The following RNFT2 variants were observed in gnomAD, a reference collection of about 807,000 sequenced individuals.
RNFT2 encodes the protein ring finger protein, transmembrane 2.
In RNFT2, 36 loss-of-function variants were observed where a neutral mutation model predicts 53.0. The ratio of observed to expected loss-of-function variants is 0.68; its 90% CI spans 0.52 to 0.90. The LOEUF is 0.90. Ranked by LOEUF, RNFT2 falls within the 40% of genes least tolerant of loss-of-function variation. RNFT2 has a pLI of 0.00. For missense variants in RNFT2, 514 were observed against 585.6 expected (o/e 0.88, Z 1.26); for synonymous variants, 260 against 253.2 (o/e 1.03, Z -0.26).
chr12:116,739,255 T>G lies in RNFT2; in HGVS notation c.-154+885T>G, dbSNP rs146807397. 1.8e-3 allele frequency among the ~76,000 whole-genome samples: 267 copies of G among 152,318 alleles called. 2 individuals carry two copies. Among genetic ancestry groups the G allele is most frequent in the African/African-American group, 5.8e-3 (242 of 41,580 alleles). ...TTCATGGGAAGTAGATGGCCCTTATTACCTTGCTAGGGTGAAAGGTGGGAC... is the reference window on the plus strand; with the variant it reads ...TTCATGGGAAGTAGATGGCCCTTATGACCTTGCTAGGGTGAAAGGTGGGAC... On this transcript the variant is annotated intron_variant, in intron 1 of 10. Transcript: ENST00000257575.
chr12:116,846,057 C>G (rs1877597377), intron 10 of RNFT2, among the ~76,000 whole-genome samples: 1 of 152,150 alleles, frequency 6.6e-6, no homozygotes, highest in South Asian at 2.1e-4. Flanking sequence ...CTCCATAATA[C>G]CATGGAAATC....
intron 7 of RNFT2, among the ~76,000 whole-genome samples, chr12:116,821,087 C>T (rs1279080762): frequency 1.3e-5 from 2 of 152,198 alleles, no homozygotes; most frequent in South Asian, 2.1e-4. Context: ...GCGCTTAATA[C>T]GGGGGTTACT....
chr12:116,752,188 G>GA (rs1175127109), intron 4 of RNFT2, among the ~76,000 whole-genome samples: 1 of 24,998 alleles, frequency 4.0e-5, no homozygotes, highest in Non-Finnish European at 1.3e-4. Context: ...TATCTCTACT[G>GA]AAAAAAAAAG....
At chr12:116,740,165 G>A (rs1281030733) in intron 1 of RNFT2, among the ~76,000 whole-genome samples, 180 bp from the exon 2 acceptor site, 1 of 151,414 alleles carries the variant, frequency 6.6e-6, no homozygotes, top group East Asian at 1.9e-4. Flanking sequence ...AGTGAGCCAA[G>A]ATCGCACCAC....
chr12:116,766,952 G>C lies in RNFT2; in HGVS notation c.728+38G>C. The C allele has an allele frequency of 2.0e-6, 3 of 1,477,696 alleles. No homozygotes were observed. In the South Asian group the frequency reaches 3.6e-5, roughly 18 times the overall value. The allele number at this position is 1,477,696 out of a possible 1,614,324, so 91.5% of individuals were successfully genotyped here. On this transcript the variant is annotated intron_variant, in intron 6 of 10. Coordinates refer to ENST00000257575, the MANE Select transcript of RNFT2 (RefSeq NM_001382266.1). ...ATCCAACCCCCACGGTGGGAGAGTG[G>C]GGCACTTGGCTGGGCTTGGGGCACG...
At chr12:116,810,818 A>G (rs573229616) in intron 7 of RNFT2, among the ~76,000 whole-genome samples, 1 of 152,184 alleles carries the variant, frequency 6.6e-6, no homozygotes, top group Non-Finnish European at 1.5e-5. Context: ...TTTTGCTTCC[A>G]TTGGGGTAGG....
intron 5 of RNFT2, among the ~76,000 whole-genome samples, chr12:116,760,259 C>T (rs1433267067): frequency 6.6e-6 from 1 of 152,158 alleles, no homozygotes. Context: ...TGAAAACCTG[C>T]CCCAGACTAT....
At chr12:116,819,800 T>C (rs1875912742) in intron 7 of RNFT2, among the ~76,000 whole-genome samples, 1 of 152,188 alleles carries the variant, frequency 6.6e-6, no homozygotes, top group Non-Finnish European at 1.5e-5. Context: ...TAAAGCTCAG[T>C]GGATTTTTAC....
chr12:116,851,992 C>T lies in RNFT2; in HGVS notation c.*2544C>T, dbSNP rs750430048. On this transcript the variant is annotated 3_prime_UTR_variant, in exon 11 of 11. Transcript: ENST00000257575. ...CTATGTTATGGATGTTTCCACCAAC[C>T]AGGGTAGTGGCATGGAGCACCGTAA... The T allele has an allele frequency of 1.6e-5, 23 of 1,470,310 alleles. No homozygotes were observed. The highest frequency in any genetic ancestry group is 1.3e-5 in the Non-Finnish European group (14 of 1,111,782). The allele number at this position is 1,470,310 out of a possible 1,614,324, so 91.1% of individuals were successfully genotyped here.
At chr12:116,742,074 G>T (rs1226940695) in intron 3 of RNFT2, among the ~76,000 whole-genome samples, 3 of 152,068 alleles carry the variant, frequency 2.0e-5, no homozygotes, top group African/African-American at 4.8e-5. Context: ...AAGATGAAGG[G>T]GCATACTACT....
intron 7 of RNFT2, among the ~76,000 whole-genome samples, chr12:116,797,251 A>G (rs1204264139): frequency 3.9e-5 from 6 of 152,120 alleles, no homozygotes; most frequent in Non-Finnish European, 7.4e-5. Flanking sequence ...GAATTTGGCT[A>G]TATTTGGAAA....
At chr12:116,794,789 G>A (rs1009143261) in intron 7 of RNFT2, among the ~76,000 whole-genome samples, 19 of 151,996 alleles carry the variant, frequency 1.3e-4, no homozygotes, top group South Asian at 1.0e-3. Context: ...ACAAAACCAG[G>A]CCTGCTTATT....
intron 7 of RNFT2, among the ~76,000 whole-genome samples, chr12:116,833,312 G>A (rs2137201760): frequency 6.6e-6 from 1 of 152,306 alleles, no homozygotes; most frequent in South Asian, 2.1e-4. Flanking sequence ...CCCCGCTTTG[G>A]GCCTTATTGC....
intron 1 of RNFT2, among the ~76,000 whole-genome samples, chr12:116,739,146 C>A (rs555531192): frequency 6.6e-6 from 1 of 152,234 alleles, no homozygotes; most frequent in African/African-American, 2.4e-5. Flanking sequence ...AAGTCAGACA[C>A]CATCTGACTG....
At chr12:116,821,806 T>G (rs1876047842) in intron 7 of RNFT2, among the ~76,000 whole-genome samples, 1 of 91,370 alleles carries the variant, frequency 1.1e-5, no homozygotes, top group Admixed American at 1.0e-4. Flanking sequence ...TTGTTTCTTT[T>G]TTTTTTTTTT....
chr12:116,752,557 A>G (rs1872299255), intron 4 of RNFT2, among the ~76,000 whole-genome samples: 1 of 152,212 alleles, frequency 6.6e-6, no homozygotes, highest in South Asian at 2.1e-4. Flanking sequence ...GATCTGGAAA[A>G]ATAGCTGGAG....
chr12:116,841,138 C>A (rs1877227483), intron 10 of RNFT2, among the ~76,000 whole-genome samples: 1 of 152,120 alleles, frequency 6.6e-6, no homozygotes, highest in South Asian at 2.1e-4. Flanking sequence ...TTTATTATCT[C>A]ACAGTTTTTA....
chr12:116,818,868 G>A (rs1304013511), intron 7 of RNFT2, among the ~76,000 whole-genome samples: 2 of 152,206 alleles, frequency 1.3e-5, no homozygotes, highest in South Asian at 4.1e-4. Context: ...GGGGCACGCC[G>A]CAAGTGGGAC....
intron 10 of RNFT2, among the ~76,000 whole-genome samples, chr12:116,836,660 C>T (rs1472767637): frequency 2.6e-5 from 4 of 152,120 alleles, no homozygotes; most frequent in South Asian, 2.1e-4. Flanking sequence ...CACAGTGGCT[C>T]ACACCTGTAA....
Sources: gnomAD v4.1 joint callset for allele counts (sites outside exome capture counted in the v4.1 genomes callset) on GRCh38, gnomAD v4.1.1 for gene constraint, MANE v1.5 for transcripts, NCBI Gene and HGNC (gene_info 2026-07-23, HGNC 2026-07-21) for gene names.